Variants in CCDC91 observed in about 807,000 individuals in gnomAD.
CCDC91 encodes coiled-coil domain-containing protein 91.
CCDC91 carries 48 observed loss-of-function variants against 63.2 expected under a neutral mutation model. The observed-to-expected ratio is 0.76, with a 90% CI of 0.60 to 0.97. CCDC91 has a LOEUF of 0.97. CCDC91 is among the 50% of genes least tolerant of loss of function. The pLI is 0.00. For missense variants in CCDC91, 500 were observed against 494.6 expected (o/e 1.01, Z -0.10); for synonymous variants, 167 against 165.8 (o/e 1.01, Z -0.06).
intron 6 of CCDC91, among the ~76,000 whole-genome samples, chr12:28,330,447 A>C (rs1025380640): frequency 6.7e-6 from 1 of 148,348 alleles, no homozygotes; most frequent in African/African-American, 2.5e-5. Flanking sequence ...TCTGTCGCCC[A>C]CTTTTTGATG....
intron 7 of CCDC91, among the ~76,000 whole-genome samples, chr12:28,364,189 C>T (rs1363890179): frequency 6.6e-6 from 1 of 151,926 alleles, no homozygotes; most frequent in African/African-American, 2.4e-5. Context: ...GGTTCCAGAC[C>T]AGCCTGGCCA....
intron 6 of CCDC91, chr12:28,319,412 A>G (rs1940249265): frequency 6.6e-6 from 1 of 151,964 alleles, no homozygotes; most frequent in African/African-American, 2.4e-5. Flanking sequence ...GTCAGCAGTA[A>G]TTCCGCCTTG....
chr12:28,482,878 A>C (rs1224706200), intron 11 of CCDC91, among the ~76,000 whole-genome samples: 1 of 151,984 alleles, frequency 6.6e-6, no homozygotes, highest in African/African-American at 2.4e-5. Flanking sequence ...ACCCATGATT[A>C]AAAATTGGTA....
chr12:28,488,834 G>T (rs1489449678), intron 12 of CCDC91, among the ~76,000 whole-genome samples: 1 of 151,906 alleles, frequency 6.6e-6, no homozygotes, highest in African/African-American at 2.4e-5. Context: ...AGACCATATT[G>T]TATTTTATTA....
At chr12:28,361,333 C>T (rs1943867934) in intron 6 of CCDC91, among the ~76,000 whole-genome samples, 1 of 151,828 alleles carries the variant, frequency 6.6e-6, no homozygotes, top group African/African-American at 2.4e-5. Context: ...TCTCCCCACT[C>T]CCCCCACCCC....
chr12:28,382,429 C>G (rs565259998), intron 7 of CCDC91, among the ~76,000 whole-genome samples: 4 of 151,910 alleles, frequency 2.6e-5, no homozygotes, highest in Admixed American at 1.3e-4. Flanking sequence ...TCTCAAACAA[C>G]AAACTGTTAG....
intron 11 of CCDC91, among the ~76,000 whole-genome samples, chr12:28,452,969 C>T (rs1949885926): frequency 6.6e-6 from 1 of 151,716 alleles, no homozygotes; most frequent in Non-Finnish European, 1.5e-5. Context: ...TTTTCCTTTT[C>T]TCATACATAG....
intron 12 of CCDC91, among the ~76,000 whole-genome samples, chr12:28,546,232 A>G (rs1942979675): frequency 6.6e-6 from 1 of 152,080 alleles, no homozygotes. Flanking sequence ...TCAAAATAAT[A>G]TACCGCTGAG....
chr12:28,238,900 A>G (rs1379624634), intron 1 of CCDC91, among the ~76,000 whole-genome samples: 2 of 152,102 alleles, frequency 1.3e-5, no homozygotes, highest in African/African-American at 4.8e-5. Flanking sequence ...TGGGCAGATC[A>G]CCTGAGGTCA....
chr12:28,426,948 T>C (rs1948353058), intron 8 of CCDC91, among the ~76,000 whole-genome samples: 1 of 152,170 alleles, frequency 6.6e-6, no homozygotes, highest in Non-Finnish European at 1.5e-5. Context: ...AAGTAGGCTA[T>C]GTTTAATATT....
intron 12 of CCDC91, among the ~76,000 whole-genome samples, chr12:28,536,464 C>T (rs1378301972): frequency 6.6e-6 from 1 of 152,148 alleles, no homozygotes; most frequent in Non-Finnish European, 1.5e-5. Context: ...TATGTTTCAT[C>T]ATAGAGAAAT....
At chr12:28,464,323 A>G (rs190043374) in intron 11 of CCDC91, among the ~76,000 whole-genome samples, 2 of 152,292 alleles carry the variant, frequency 1.3e-5, no homozygotes, top group East Asian at 3.9e-4. Flanking sequence ...AAGCCAGTGG[A>G]ATGGCGGTGC....
intron 3 of CCDC91, among the ~76,000 whole-genome samples, chr12:28,273,440 G>A (rs1451175905): frequency 6.6e-6 from 1 of 152,176 alleles, no homozygotes; most frequent in African/African-American, 2.4e-5. Context: ...GGTTGAACTA[G>A]TTTACAGTCC....
intron 8 of CCDC91, among the ~76,000 whole-genome samples, chr12:28,447,474 T>C (rs1331110564): frequency 6.6e-6 from 1 of 151,662 alleles, no homozygotes; most frequent in Non-Finnish European, 1.5e-5. Flanking sequence ...AAAATCAAAA[T>C]ACATTGTATT....
chr12:28,549,096 A>G lies in CCDC91; in HGVS notation c.1249A>G (p.Ser417Gly). The G allele has an allele frequency of 6.2e-7, 1 of 1,612,630 alleles. No individual in the cohort carries two copies. The highest frequency in any genetic ancestry group is 8.5e-7 in the Non-Finnish European group (1 of 1,179,022). The change falls in exon 13 of 13, where the codon AGT (serine) becomes GGT (glycine). Residue 417 changes from serine (S) to glycine (G), a missense_variant. Ser to Gly is a moderately conservative substitution (Grantham distance 56). Transcript: ENST00000536442. ...DQVIRQRSLS[S>G]LELFLSCAQK... ...AGTCATCCGCCAAAGAAGCCTGTCC[A>G]GTTTGGAACTGTTCCTCTCCTGTGC...
At chr12:28,286,937 G>A (rs1285473893) in intron 3 of CCDC91, among the ~76,000 whole-genome samples, 4 of 151,918 alleles carry the variant, frequency 2.6e-5, no homozygotes, top group Non-Finnish European at 5.9e-5. Flanking sequence ...TCTTACTCTG[G>A]TTTTGATTTG....
At chr12:28,393,998 T>C (rs961049365) in intron 8 of CCDC91, among the ~76,000 whole-genome samples, 1 of 152,026 alleles carries the variant, frequency 6.6e-6, no homozygotes, top group Non-Finnish European at 1.5e-5. Context: ...TTAACCAAGG[T>C]GATAAGAAAC....
chr12:28,487,946 A>C (rs1951810699), intron 12 of CCDC91, among the ~76,000 whole-genome samples: 1 of 151,784 alleles, frequency 6.6e-6, no homozygotes, highest in Non-Finnish European at 1.5e-5. Flanking sequence ...TTTAAAAGAC[A>C]GAAAAACACA....
At chr12:28,543,652 A>G (rs1280192997) in intron 12 of CCDC91, among the ~76,000 whole-genome samples, 2 of 151,942 alleles carry the variant, frequency 1.3e-5, no homozygotes, top group African/African-American at 2.4e-5. Context: ...AATGCCTTCT[A>G]TATGGAGATG....
Sources: gnomAD v4.1 joint callset for allele counts (sites outside exome capture counted in the v4.1 genomes callset) on GRCh38, gnomAD v4.1.1 for gene constraint, MANE v1.5 for transcripts, NCBI Gene and HGNC (gene_info 2026-07-23, HGNC 2026-07-21) for gene names.